KIAA0319L: variants seen among roughly 807,000 people sequenced by gnomAD.
KIAA0319L encodes dyslexia-associated protein KIAA0319-like protein.
KIAA0319L carries 55 observed loss-of-function variants against 120.1 expected under a neutral mutation model. The observed-to-expected ratio is 0.46, with a 90% CI of 0.37 to 0.57. KIAA0319L has a LOEUF of 0.57. Ranked by LOEUF, KIAA0319L falls within the 20% of genes least tolerant of loss-of-function variation. KIAA0319L has a pLI of 0.00. For missense variants in KIAA0319L, 1,049 were observed against 1,255.3 expected, an observed-to-expected ratio of 0.84 and a Z score of 2.48; for synonymous variants, 398 against 471.9, an observed-to-expected ratio of 0.84 and a Z score of 2.03.
rs1197561210 is a variant in KIAA0319L, at chr1:35,470,944, G to A, written c.1032C>T (p.Tyr344=). 2.1e-5 allele frequency: 33 copies of A among 1,609,026 alleles called. No individual in the cohort carries two copies. The highest frequency in any genetic ancestry group is 2.7e-5 in the Non-Finnish European group (32 of 1,175,496). ...QEPPKGETYT[Y]DWQLITHPRD... Reference sequence around the variant, plus strand: ...TAGGATGAGTAATCAGCTGCCAGTCGTAGGTGTAGGTTTCTCCTATAGAAG... The same window carrying A: ...TAGGATGAGTAATCAGCTGCCAGTCATAGGTGTAGGTTTCTCCTATAGAAG... The change falls in exon 6 of 21, where the codon TAC becomes TAT. Residue 344 remains tyrosine, a synonymous_variant. Coordinates refer to ENST00000325722, the MANE Select transcript of KIAA0319L (RefSeq NM_024874.5).
chr1:35,478,683 T>C (rs1478751292), intron 4 of KIAA0319L, among the ~76,000 whole-genome samples: 1 of 152,270 alleles, frequency 6.6e-6, no homozygotes, highest in Non-Finnish European at 1.5e-5. Flanking sequence ...CAGTAGGCTC[T>C]GATTGATCAC....
At chr1:35,511,996 G>A (rs1482390143) in intron 2 of KIAA0319L, among the ~76,000 whole-genome samples, 3 of 151,938 alleles carry the variant, frequency 2.0e-5, no homozygotes, top group Admixed American at 6.6e-5. Flanking sequence ...TAAGCCAGGC[G>A]TGGTGGCTCA....
chr1:35,503,756 C>T (rs945571574), intron 3 of KIAA0319L, among the ~76,000 whole-genome samples: 2 of 152,148 alleles, frequency 1.3e-5, no homozygotes, highest in Non-Finnish European at 2.9e-5. Context: ...TTTCTCGTGC[C>T]TCTGCCGCCT....
intron 2 of KIAA0319L, among the ~76,000 whole-genome samples, chr1:35,547,582 G>C (rs1647032225): frequency 6.6e-6 from 1 of 152,172 alleles, no homozygotes; most frequent in African/African-American, 2.4e-5. Flanking sequence ...ACTGATACCT[G>C]CTAGGATATG....
At chr1:35,494,315 G>A (rs1343861669) in intron 3 of KIAA0319L, among the ~76,000 whole-genome samples, 1 of 151,860 alleles carries the variant, frequency 6.6e-6, no homozygotes, top group Non-Finnish European at 1.5e-5. Context: ...CGGGCATGGT[G>A]GTGGGCGCCT....
chr1:35,496,950 A>G (rs1224369779), intron 3 of KIAA0319L, among the ~76,000 whole-genome samples: 1 of 148,960 alleles, frequency 6.7e-6, no homozygotes, highest in Non-Finnish European at 1.5e-5. Context: ...GTGTCTCCAA[A>G]AAAAAAAAAA....
intron 2 of KIAA0319L, among the ~76,000 whole-genome samples, chr1:35,530,032 C>G (rs963221089): frequency 2.7e-5 from 4 of 148,636 alleles, no homozygotes; most frequent in Admixed American, 1.3e-4. Flanking sequence ...GACCTGTCTT[C>G]AAGTTCTGAA....
At chr1:35,551,691 A>G (rs958709616) in intron 2 of KIAA0319L, among the ~76,000 whole-genome samples, 3 of 152,202 alleles carry the variant, frequency 2.0e-5, no homozygotes, top group Non-Finnish European at 4.4e-5. Context: ...ATCAAAGTAT[A>G]TAACAAATAT....
In KIAA0319L at chr1:35,534,403, G is replaced by A. The variant is rs558618345; in HGVS notation, c.142+19947C>T. 8.8e-4 allele frequency among the ~76,000 whole-genome samples: 134 copies of A among 152,258 alleles called. 1 individual carries two copies. In the South Asian group the frequency reaches 0.026, roughly 30 times the overall value. ...TCAGCTACTATTCACACTAACTCTT[G>A]ATTATCTGCTAGATGGAAAACAAGC... On this transcript the variant is annotated intron_variant, in intron 2 of 20. Transcript: ENST00000325722.
intron 2 of KIAA0319L, among the ~76,000 whole-genome samples, chr1:35,539,807 A>G (rs1291561755): frequency 6.6e-6 from 1 of 152,214 alleles, no homozygotes; most frequent in African/African-American, 2.4e-5. Flanking sequence ...AAAAACAAAC[A>G]AACAAAAAAC....
chr1:35,474,928 C>T (rs1377707405), intron 4 of KIAA0319L, 22 bp from the exon 5 acceptor site: 1 of 1,302,594 alleles, frequency 7.7e-7, no homozygotes, highest in Non-Finnish European at 1.1e-6. Flanking sequence ...GTAAATATAC[C>T]AGAGATAAGA....
At chr1:35,473,447 T>C (rs1643763503) in intron 5 of KIAA0319L, among the ~76,000 whole-genome samples, 1 of 152,058 alleles carries the variant, frequency 6.6e-6, no homozygotes, top group Non-Finnish European at 1.5e-5. Flanking sequence ...ATCTACAAAA[T>C]GATAGTAACC....
At chr1:35,446,379 T>C (rs1641624154) in intron 16 of KIAA0319L, among the ~76,000 whole-genome samples, 1 of 152,118 alleles carries the variant, frequency 6.6e-6, no homozygotes. Flanking sequence ...AGGACCACAA[T>C]GAAAAAAAAT....
intron 2 of KIAA0319L, among the ~76,000 whole-genome samples, chr1:35,511,676 T>C (rs919700631): frequency 1.3e-5 from 2 of 152,220 alleles, no homozygotes; most frequent in African/African-American, 4.8e-5. Context: ...AAAGAGGAGA[T>C]ATTTAATAAG....
chr1:35,496,343 C>T lies in KIAA0319L; in HGVS notation c.666+10269G>A, dbSNP rs529615078. 4.6e-5 allele frequency among the ~76,000 whole-genome samples: 7 copies of T among 152,252 alleles called. No individual in the cohort carries two copies. In the South Asian group the frequency reaches 1.5e-3, roughly 32 times the overall value. On this transcript the variant is annotated intron_variant, in intron 3 of 20. Transcript: ENST00000325722. ...ACTGAGGCAGGAGAATCTCTTAAAC[C>T]CAGGAAGCGGAAGTTGTAGTGAGCT...
chr1:35,456,275 C>A, intron 9 of KIAA0319L, 34 bp from the exon 10 acceptor site: 2 of 1,381,754 alleles, frequency 1.4e-6, no homozygotes. Context: ...TGATCAGGGA[C>A]GGGTTTAAGG....
chr1:35,448,934 T>C (rs913591219), intron 15 of KIAA0319L, among the ~76,000 whole-genome samples: 1 of 152,234 alleles, frequency 6.6e-6, no homozygotes, highest in African/African-American at 2.4e-5. Context: ...GGTGAGGCTA[T>C]CATGTTTTAC....
At chr1:35,534,998 G>A (rs1333999296) in intron 2 of KIAA0319L, among the ~76,000 whole-genome samples, 2 of 149,512 alleles carry the variant, frequency 1.3e-5, no homozygotes, top group Non-Finnish European at 3.0e-5. Context: ...TTAGGAGGCT[G>A]AGACAGGAGA....
chr1:35,444,448 G>T, intron 16 of KIAA0319L, 145 bp from the exon 17 acceptor site: 1 of 738,702 alleles, frequency 1.4e-6, no homozygotes, highest in Non-Finnish European at 2.0e-6. Flanking sequence ...TGAGAAAGGT[G>T]TTATCAGGGT....
Sources: gnomAD v4.1 joint callset for allele counts (sites outside exome capture counted in the v4.1 genomes callset) on GRCh38, gnomAD v4.1.1 for gene constraint, MANE v1.5 for transcripts, NCBI Gene and HGNC (gene_info 2026-07-23, HGNC 2026-07-21) for gene names.